LRRC17: variants seen among roughly 807,000 people sequenced by gnomAD.
LRRC17 encodes leucine-rich repeat-containing protein 17.
In LRRC17, 33 loss-of-function variants were observed where a neutral mutation model predicts 41.5. That is an observed-to-expected ratio of 0.80 (90% CI 0.60 to 1.06). The LOEUF (loss-of-function observed/expected upper bound fraction) is 1.06, where lower values mean the gene tolerates loss of function less well. Among genes scored for constraint, LRRC17 ranks in the 50% least tolerant of loss-of-function variants. The pLI is 0.00. For missense variants in LRRC17, 491 were observed against 519.3 expected (o/e 0.95, Z 0.53); for synonymous variants, 192 against 197.0 (o/e 0.97, Z 0.21).
intron 2 of LRRC17, 25 bp downstream of exon 2, chr7:102,934,710 T>C (rs1819955159): frequency 6.5e-7 from 1 of 1,541,226 alleles, no homozygotes; most frequent in African/African-American, 1.4e-5. Context: ...TACTTTTTCA[T>C]TTTCATGAAT....
chr7:102,916,654 C>T (rs142154617), intron 1 of LRRC17, among the ~76,000 whole-genome samples: 2 of 152,266 alleles, frequency 1.3e-5, no homozygotes, highest in Admixed American at 6.5e-5. Context: ...TTGGCAAAGA[C>T]GCGTGTCCCC....
intron 1 of LRRC17, among the ~76,000 whole-genome samples, chr7:102,920,181 G>A (rs941435065): frequency 1.3e-5 from 2 of 152,154 alleles, no homozygotes; most frequent in African/African-American, 4.8e-5. Flanking sequence ...GCCTGTTAAA[G>A]TATGTTTTTA....
At chr7:102,931,232 G>C (rs1008607526) in intron 1 of LRRC17, among the ~76,000 whole-genome samples, 4 of 152,228 alleles carry the variant, frequency 2.6e-5, no homozygotes, top group African/African-American at 9.6e-5. Flanking sequence ...AGCAGCTGTA[G>C]GCACTGCAAA....
chr7:102,929,800 A>AT (rs1228128923), intron 1 of LRRC17, among the ~76,000 whole-genome samples: 1 of 152,010 alleles, frequency 6.6e-6, no homozygotes, highest in Non-Finnish European at 1.5e-5. Context: ...GGTGAGGGAA[A>AT]TGTTCTGAAG....
intron 1 of LRRC17, among the ~76,000 whole-genome samples, chr7:102,923,581 G>A (rs577038345): frequency 2.2e-4 from 34 of 152,200 alleles, no homozygotes; most frequent in African/African-American, 8.2e-4. Context: ...CCAGCACTTT[G>A]GGAGGCTGAG....
intron 1 of LRRC17, among the ~76,000 whole-genome samples, chr7:102,930,222 CTT>C (rs1479620916): frequency 6.6e-6 from 1 of 152,132 alleles, no homozygotes; most frequent in Non-Finnish European, 1.5e-5. Context: ...TTCATGCAGT[CTT>C]TTCACCAGCG....
At chr7:102,913,335 A>G in intron 1 of LRRC17, 190 bp downstream of exon 1, 7 of 1,242,344 alleles carry the variant, frequency 5.6e-6, no homozygotes, top group South Asian at 2.9e-5. Flanking sequence ...GATGTTCAAC[A>G]TTTAACTTTA....
intron 2 of LRRC17, among the ~76,000 whole-genome samples, chr7:102,938,941 C>T (rs537813746): frequency 1.2e-4 from 18 of 152,222 alleles, no homozygotes; most frequent in Non-Finnish European, 2.5e-4. Flanking sequence ...CTTTTTCCAG[C>T]ACCCACAGAT....
At chr7:102,928,628 A>G (rs1818575366) in intron 1 of LRRC17, among the ~76,000 whole-genome samples, 1 of 152,220 alleles carries the variant, frequency 6.6e-6, no homozygotes, top group African/African-American at 2.4e-5. Flanking sequence ...AAAGAATATG[A>G]TATCTTACTC....
chr7:102,931,206 C>A (rs949507417), intron 1 of LRRC17, among the ~76,000 whole-genome samples: 1 of 152,088 alleles, frequency 6.6e-6, no homozygotes, highest in East Asian at 1.9e-4. Flanking sequence ...TTGGAGCATG[C>A]AGGAAAAGGA....
At chr7:102,940,953 T>A (rs1821311642) in intron 3 of LRRC17, among the ~76,000 whole-genome samples, 1 of 152,246 alleles carries the variant, frequency 6.6e-6, no homozygotes, top group African/African-American at 2.4e-5. Context: ...CCCCTGCTTT[T>A]CTTCATGATA....
intron 2 of LRRC17, among the ~76,000 whole-genome samples, chr7:102,938,209 A>C (rs560519074): frequency 6.6e-6 from 1 of 152,244 alleles, no homozygotes; most frequent in South Asian, 2.1e-4. Context: ...TTAGCTTCAC[A>C]TTGACCAGAA....
In LRRC17 at chr7:102,915,997, T is replaced by C. The variant is rs75716414; in HGVS notation, c.-141+2852T>C. On this transcript the variant is annotated intron_variant, in intron 1 of 3. Transcript: ENST00000339431. Reference sequence around the variant, plus strand: ...GATGAGTTTCTTCTTTTTTTTTTTTTGTTTGAGACGGAGTCTCACTCTGTT... The same window carrying C: ...GATGAGTTTCTTCTTTTTTTTTTTTCGTTTGAGACGGAGTCTCACTCTGTT... Among the ~76,000 whole-genome samples the C allele has an allele frequency of 2.0e-5, 3 of 151,194 alleles. No individual in the cohort carries two copies. The South Asian group carries it at 6.2e-4, about 31-fold the overall frequency.
At chr7:102,937,049 CT>C (rs993075196) in intron 2 of LRRC17, among the ~76,000 whole-genome samples, 68 of 152,252 alleles carry the variant, frequency 4.5e-4, no homozygotes, top group African/African-American at 1.5e-3. Flanking sequence ...TTCATACCCC[CT>C]GCTTTAAAAA....
intron 1 of LRRC17, among the ~76,000 whole-genome samples, chr7:102,916,068 C>T (rs1815808464): frequency 6.6e-6 from 1 of 151,928 alleles, no homozygotes; most frequent in African/African-American, 2.4e-5. Context: ...ACTGCAACCT[C>T]CACCTCCCAG....
At position 102,944,485 on chromosome 7, in the gene LRRC17, A is replaced by T; in HGVS notation, c.1204A>T (p.Lys402Ter). The T allele has an allele frequency of 6.2e-7, 1 of 1,614,112 alleles. No individual in the cohort carries two copies. The highest frequency in any genetic ancestry group is 8.5e-7 in the Non-Finnish European group (1 of 1,180,002). Reference protein sequence around the residue: ...YIRSYYEECPKDKLPAYPESF... With the variant: ...YIRSYYEECP ...TAGAAGTTACTATGAAGAATGCCCCAAAGACAAGTTACCAGCATATCCTGA... is the reference window on the plus strand; with the variant it reads ...TAGAAGTTACTATGAAGAATGCCCCTAAGACAAGTTACCAGCATATCCTGA... The change falls in exon 4 of 4, where the codon AAA becomes TAA. Residue 402 changes from lysine (K) to a stop codon, truncating the protein, a stop_gained. Transcript: ENST00000339431. LOFTEE classifies it high-confidence loss of function.
intron 1 of LRRC17, among the ~76,000 whole-genome samples, chr7:102,918,457 C>T (rs1193295652): frequency 1.3e-5 from 2 of 152,076 alleles, no homozygotes; most frequent in African/African-American, 4.8e-5. Context: ...AGAAAAAAAG[C>T]CATTTCAATG....
rs544127114 is a variant in LRRC17, at chr7:102,919,844, G to C, written c.-141+6699G>C. On this transcript the variant is annotated intron_variant, in intron 1 of 3. Transcript: ENST00000339431. The stretch of plus-strand genomic sequence containing the variant: ...AAAGATTTTTAAAATTATATTTCCA[G>C]TTATCATCAGATGAATCAAAAGGCT... Among the ~76,000 whole-genome samples, 164 of 152,088 alleles carry C rather than the reference G, an allele frequency of 1.1e-3. 1 individual carries two copies. The highest frequency in any genetic ancestry group is 1.9e-3 in the Non-Finnish European group (129 of 68,028).
At chr7:102,915,890 TTA>T (rs1348712865) in intron 1 of LRRC17, among the ~76,000 whole-genome samples, 1 of 152,206 alleles carries the variant, frequency 6.6e-6, no homozygotes, top group East Asian at 1.9e-4. Flanking sequence ...TATTTGTGAT[TTA>T]TATGAGTAAA....
Sources: gnomAD v4.1 joint callset for allele counts (sites outside exome capture counted in the v4.1 genomes callset) on GRCh38, gnomAD v4.1.1 for gene constraint, MANE v1.5 for transcripts, NCBI Gene and HGNC (gene_info 2026-07-23, HGNC 2026-07-21) for gene names.